The following ANK2 variants were observed in gnomAD, a reference collection of about 807,000 sequenced individuals.
ANK2 encodes ankyrin 2, also known as ankyrin-2.
In ANK2, 83 loss-of-function variants were observed where a neutral mutation model predicts 360.5. That is an observed-to-expected ratio of 0.23 (90% CI 0.19 to 0.28). The LOEUF (loss-of-function observed/expected upper bound fraction) is 0.28. Among genes scored for constraint, ANK2 ranks in the 10% least tolerant of loss-of-function variants. The pLI is 1.00. For synonymous variants in ANK2, 1,740 were observed against 1,759.5 expected (o/e 0.99, Z 0.28); for missense variants, 4,201 against 4,795.7 (o/e 0.88, Z 3.66).
the ANK2 span, among the ~76,000 whole-genome samples, chr4:112,806,895 T>C: frequency 2.0e-5 from 3 of 152,184 alleles, no homozygotes; most frequent in Non-Finnish European, 4.4e-5. Flanking sequence ...TACTCAGCAG[T>C]GAGGTTGCTG....
At chr4:113,310,420 C>T (rs2079304680) in intron 23 of ANK2, among the ~76,000 whole-genome samples, 1 of 151,522 alleles carries the variant, frequency 6.6e-6, no homozygotes. Context: ...AGTATATAAG[C>T]AGACTTTTTT....
intron 1 of ANK2, among the ~76,000 whole-genome samples, chr4:113,091,862 A>G (rs1006527996): frequency 8.5e-5 from 13 of 152,222 alleles, no homozygotes; most frequent in East Asian, 1.9e-4. Flanking sequence ...GCTCTCTCAG[A>G]CATACGTGAC....
At chr4:113,066,551 G>A (rs1258481637) in intron 1 of ANK2, among the ~76,000 whole-genome samples, 1 of 152,126 alleles carries the variant, frequency 6.6e-6, no homozygotes, top group Non-Finnish European at 1.5e-5. Context: ...AACATACATA[G>A]CCTATCACAG....
At chr4:112,743,596 G>A in the ANK2 span, among the ~76,000 whole-genome samples, 1 of 103,492 alleles carries the variant, frequency 9.7e-6, no homozygotes, top group Non-Finnish European at 1.8e-5. Context: ...CACTTTTACT[G>A]CCCTGGCACG....
upstream of ANK2, among the ~76,000 whole-genome samples, chr4:113,045,565 C>T (rs182165945): frequency 1.1e-4 from 16 of 152,286 alleles, no homozygotes; most frequent in Admixed American, 1.0e-3. Flanking sequence ...TTATGAGAAT[C>T]CCGTAAAGTC....
chr4:113,274,396 TCA>T, intron 14 of ANK2, 54 bp from the exon 15 acceptor site: 2 of 1,553,928 alleles, frequency 1.3e-6, no homozygotes, highest in Non-Finnish European at 8.9e-7. Context: ...GTGAAACATA[TCA>T]CCAGTGAAGT....
At chr4:112,925,417 T>G (rs2092402596) in intron 2 of ANK2, among the ~76,000 whole-genome samples, 1 of 152,224 alleles carries the variant, frequency 6.6e-6, no homozygotes, top group South Asian at 2.1e-4. Flanking sequence ...CATAACATTT[T>G]TAGAAATATG....
chr4:112,835,951 G>A (rs988499988), intron 1 of ANK2, among the ~76,000 whole-genome samples: 8 of 151,992 alleles, frequency 5.3e-5, no homozygotes, highest in Non-Finnish European at 1.2e-4. Context: ...TAAATAAATA[G>A]ACCTTAGGTG....
At chr4:112,808,927 G>A in the ANK2 span, among the ~76,000 whole-genome samples, 3 of 151,872 alleles carry the variant, frequency 2.0e-5, no homozygotes, top group Non-Finnish European at 4.4e-5. Context: ...GTGCGATCTC[G>A]GCTCGCTGCA....
In ANK2 at chr4:112,931,559, C is replaced by T. The variant is rs146788700; in HGVS notation, c.21+27045C>T. ...TCAAGCAATTCTTGTGCCTCAGCCT[C>T]CCGAGTAGCTGGAATTCCAGCCATG... On this transcript the variant is annotated intron_variant, in intron 2 of 30. Transcript: ENST00000503271. Among the ~76,000 whole-genome samples the T allele has an allele frequency of 4.2e-3, 633 of 151,072 alleles. 6 individuals are homozygous for T. The highest frequency in any genetic ancestry group is 0.014 in the Middle Eastern group (4 of 292).
At chr4:112,864,451 A>C (rs2069428050) in intron 1 of ANK2, among the ~76,000 whole-genome samples, 1 of 152,038 alleles carries the variant, frequency 6.6e-6, no homozygotes, top group South Asian at 2.1e-4. Flanking sequence ...CTGGGATTAC[A>C]GGCGTCTGCC....
intron 1 of ANK2, among the ~76,000 whole-genome samples, chr4:112,845,282 G>C (rs536253655): frequency 1.3e-5 from 2 of 150,814 alleles, no homozygotes; most frequent in African/African-American, 4.9e-5. Context: ...AATTTTCTGA[G>C]GTTAGGGCTC....
intron 2 of ANK2, 74 bp from the exon 3 acceptor site, chr4:113,196,290 TTATA>T: frequency 9.3e-7 from 1 of 1,077,860 alleles, no homozygotes; most frequent in Non-Finnish European, 1.4e-6. Context: ...GTTCTCTGGG[TTATA>T]TGCTTGAGTA....
chr4:112,984,546 G>A lies in ANK2; in HGVS notation c.21+80032G>A, dbSNP rs138549761. Among the ~76,000 whole-genome samples, 51 of 152,214 alleles carry A rather than the reference G, an allele frequency of 3.4e-4. No individual in the cohort carries two copies. In the East Asian group the frequency reaches 9.3e-3, roughly 28 times the overall value. ...CACCAAGTCCCTCCCATAACACGTG[G>A]GAATCCAAGATGAGATTTGGGTGGG... On this transcript the variant is annotated intron_variant, in intron 2 of 30. Transcript: ENST00000503271.
At chr4:112,885,670 A>T (rs1263181735) in intron 1 of ANK2, among the ~76,000 whole-genome samples, 2 of 149,986 alleles carry the variant, frequency 1.3e-5, no homozygotes, top group South Asian at 4.2e-4. Context: ...GGTGGCGGGC[A>T]CCTGTAGTCC....
At position 112,826,806 on chromosome 4, in the gene ANK2, T is replaced by G. The variant is rs2058505203; in HGVS notation, c.-40+8542T>G. The G allele has an allele frequency of 2.6e-6, 3 of 1,149,560 alleles. No individual in the cohort carries two copies. In the East Asian group the frequency reaches 7.0e-5, roughly 27 times the overall value. The allele number at this position is 1,149,560 out of a possible 1,614,324, so 71.2% of individuals were successfully genotyped here. ...TAAAATTCTGTTGCTTCAAGCATCT[T>G]CTACTCAAAAAAATAAAGTAAAAGA... On this transcript the variant is annotated intron_variant, in intron 1 of 30. Coordinates refer to the ANK2 transcript ENST00000503271.
chr4:112,958,515 G>A (rs2032523535), intron 2 of ANK2, among the ~76,000 whole-genome samples: 1 of 152,204 alleles, frequency 6.6e-6, no homozygotes, highest in South Asian at 2.1e-4. Flanking sequence ...AATCAGGCAG[G>A]GAGGCTGCAG....
intron 4 of ANK2, among the ~76,000 whole-genome samples, chr4:113,222,025 C>G (rs921820308): frequency 6.6e-6 from 1 of 152,152 alleles, no homozygotes; most frequent in Non-Finnish European, 1.5e-5. Flanking sequence ...ATCCCAGCTC[C>G]ATGTTTTAAG....
rs190102899 is a variant in ANK2 at position 113,240,532 on chromosome 4, C to T, written c.741C>T (p.Asn247=). The T allele has an allele frequency of 5.0e-5, 80 of 1,613,976 alleles. No homozygotes were observed. The African/African-American group carries it at 6.3e-4, about 13-fold the overall frequency. ...TAGCTGCACATTACGGAAATGTCAA[C>T]GTGGCAACTCTTCTTCTAAACCGGG... ...LHIAAHYGNV[N]VATLLLNRGA... The change falls in exon 8 of 46, where the codon AAC becomes AAT. Residue 247 remains asparagine, a synonymous_variant. Coordinates refer to ENST00000357077, the MANE Select transcript of ANK2 (RefSeq NM_001148.6).
Sources: gnomAD v4.1 joint callset for allele counts (sites outside exome capture counted in the v4.1 genomes callset) on GRCh38, gnomAD v4.1.1 for gene constraint, MANE v1.5 for transcripts, NCBI Gene and HGNC (gene_info 2026-07-23, HGNC 2026-07-21) for gene names.